ERBB4: variants seen among roughly 807,000 people sequenced by gnomAD.
ERBB4 encodes the protein erb-b2 receptor tyrosine kinase 4, also known as receptor tyrosine-protein kinase erbB-4.
In ERBB4, 42 loss-of-function variants were observed where a neutral mutation model predicts 158.0. The ratio of observed to expected loss-of-function variants is 0.27; its 90% CI spans 0.21 to 0.34. ERBB4 has a LOEUF of 0.34. ERBB4 is among the 10% of genes least tolerant of loss of function. The probability of loss-of-function intolerance (pLI) is 1.00; values close to 1 mark genes in which losing one functional copy is unlikely to be tolerated. For synonymous variants in ERBB4, 583 were observed against 558.7 expected (o/e 1.04, Z -0.61); for missense variants, 1,333 against 1,624.1 (o/e 0.82, Z 3.08).
chr2:212,020,022 G>C (rs2076614416), intron 2 of ERBB4, among the ~76,000 whole-genome samples: 1 of 152,062 alleles, frequency 6.6e-6, no homozygotes, highest in South Asian at 2.1e-4. Flanking sequence ...ATAATTTCTA[G>C]AAACAGAAAA....
chr2:212,307,369 T>C (rs1329894105), intron 1 of ERBB4, among the ~76,000 whole-genome samples: 4 of 44,960 alleles, frequency 8.9e-5, no homozygotes, highest in South Asian at 5.8e-4. Flanking sequence ...TGCTGACTAT[T>C]GGCAAAAAAA....
chr2:212,047,249 T>G (rs1167314360), intron 2 of ERBB4, among the ~76,000 whole-genome samples: 1 of 152,314 alleles, frequency 6.6e-6, no homozygotes, highest in East Asian at 1.9e-4. Context: ...CAAATATACA[T>G]GAATTTGAAT....
At chr2:211,820,090 A>G (rs2076962102) in intron 3 of ERBB4, among the ~76,000 whole-genome samples, 1 of 151,946 alleles carries the variant, frequency 6.6e-6, no homozygotes, top group Admixed American at 6.6e-5. Context: ...TCTAATGGTT[A>G]ATTGAGTAAG....
chr2:211,894,544 T>G (rs1441244665), intron 3 of ERBB4, among the ~76,000 whole-genome samples: 1 of 151,886 alleles, frequency 6.6e-6, no homozygotes, highest in Non-Finnish European at 1.5e-5. Flanking sequence ...ACATGTACCC[T>G]AAAACTTAAA....
At chr2:211,704,233 T>C (rs770843936) in intron 10 of ERBB4, 39 bp from the exon 11 acceptor site, 10 of 1,280,176 alleles carry the variant, frequency 7.8e-6, no homozygotes, top group Non-Finnish European at 1.0e-5. Flanking sequence ...CAGAATATCA[T>C]TGTCTTAGTA....
intron 3 of ERBB4, among the ~76,000 whole-genome samples, chr2:211,869,605 G>A (rs189342617): frequency 5.6e-4 from 85 of 152,086 alleles, no homozygotes; most frequent in Admixed American, 4.8e-3. Context: ...TGGCATATAA[G>A]AAAGTTTTCA....
At chr2:211,404,191 T>G (rs553450939) in intron 25 of ERBB4, among the ~76,000 whole-genome samples, 7 of 152,194 alleles carry the variant, frequency 4.6e-5, no homozygotes, top group South Asian at 2.1e-4. Context: ...GCTCAACTCT[T>G]GATTTATCTC....
chr2:211,404,635 C>A (rs1203314957), intron 25 of ERBB4, among the ~76,000 whole-genome samples: 2 of 151,156 alleles, frequency 1.3e-5, no homozygotes, highest in East Asian at 3.9e-4. Flanking sequence ...TTTTTTTAAT[C>A]TTGGTTAAGT....
At chr2:211,811,730 T>C (rs1559539775) in intron 3 of ERBB4, among the ~76,000 whole-genome samples, 1 of 152,198 alleles carries the variant, frequency 6.6e-6, no homozygotes, top group Non-Finnish European at 1.5e-5. Flanking sequence ...CTCTTTTTTT[T>C]TCTAAACTTC....
rs779654769 is a variant in ERBB4, at chr2:211,702,029, G to A, written c.1427C>T (p.Thr476Ile). Residue 476 changes from threonine to isoleucine, a missense_variant, in exon 12 of 28, where the codon ACA (threonine) becomes ATA (isoleucine). Thr to Ile is a moderately conservative substitution (Grantham distance 89, BLOSUM62 -1). Coordinates refer to ENST00000342788, the MANE Select transcript of ERBB4 (RefSeq NM_005235.3). ...TCTCTGGTTGATTGTGCTGAAGAGT[G>A]TTGTCCAGTTAATGGTATGATAATA... Reference protein sequence around the residue: ...LCYYHTINWTTLFSTINQRIV... With the variant: ...LCYYHTINWTILFSTINQRIV... The A allele has an allele frequency of 3.1e-6, 5 of 1,614,010 alleles. No individual in the cohort carries two copies. In the South Asian group the frequency reaches 3.3e-5, roughly 11 times the overall value.
chr2:211,657,194 A>T (rs942271587), intron 16 of ERBB4, among the ~76,000 whole-genome samples: 16 of 151,136 alleles, frequency 1.1e-4, no homozygotes, highest in African/African-American at 3.7e-4. Context: ...AATAACTCAA[A>T]ATCCTGTTTA....
chr2:211,925,866 C>T (rs1398259908), intron 3 of ERBB4, among the ~76,000 whole-genome samples: 1 of 151,696 alleles, frequency 6.6e-6, no homozygotes, highest in African/African-American at 2.4e-5. Flanking sequence ...GTCTAGAGTG[C>T]AATTTATTTT....
At chr2:212,168,360 A>T (rs145843112) in intron 1 of ERBB4, among the ~76,000 whole-genome samples, 1 of 152,264 alleles carries the variant, frequency 6.6e-6, no homozygotes, top group Admixed American at 6.5e-5. Flanking sequence ...ATTTGTTTTC[A>T]TTAGAATTAT....
At chr2:211,776,846 C>A (rs1229563714) in intron 4 of ERBB4, among the ~76,000 whole-genome samples, 1 of 152,040 alleles carries the variant, frequency 6.6e-6, no homozygotes, top group East Asian at 1.9e-4. Flanking sequence ...AGTATTAGGG[C>A]AGAGGTTTAG....
chr2:212,445,892 T>G (rs56009609), intron 1 of ERBB4, among the ~76,000 whole-genome samples: 40,691 of 152,116 alleles, frequency 0.27, 6,919 homozygotes, highest in Non-Finnish European at 0.39. Flanking sequence ...GGACTGTAAT[T>G]GTCATGATTA....
intron 12 of ERBB4, among the ~76,000 whole-genome samples, chr2:211,682,824 C>G (rs778383865): frequency 1.3e-5 from 2 of 151,942 alleles, no homozygotes; most frequent in Non-Finnish European, 2.9e-5. Flanking sequence ...TTATTCCAAT[C>G]TGATAATCTC....
chr2:211,624,103 GT>G, intron 17 of ERBB4, 59 bp from the exon 18 acceptor site: 1 of 1,393,954 alleles, frequency 7.2e-7, no homozygotes. Flanking sequence ...CTCTCTCTCT[GT>G]CTCTCTCTCT....
chr2:212,113,101 G>T (rs1278484005), intron 2 of ERBB4, among the ~76,000 whole-genome samples: 1 of 152,128 alleles, frequency 6.6e-6, no homozygotes, highest in African/African-American at 2.4e-5. Flanking sequence ...GATGGTAAGG[G>T]TGGGGATGAA....
intron 1 of ERBB4, among the ~76,000 whole-genome samples, chr2:212,237,343 C>T (rs1023686670): frequency 2.0e-5 from 3 of 152,160 alleles, no homozygotes; most frequent in African/African-American, 7.2e-5. Context: ...CCCTCTGCTG[C>T]AGGTCTGCTG....
Sources: allele counts gnomAD v4.1 joint callset (sites outside exome capture counted in the v4.1 genomes callset), GRCh38; gene constraint gnomAD v4.1.1; transcripts MANE v1.5; gene names NCBI Gene and HGNC (gene_info 2026-07-23, HGNC 2026-07-21).